Variants in PTPN21 observed in about 807,000 individuals in gnomAD.
The protein encoded by PTPN21 is protein tyrosine phosphatase non-receptor type 21.
In PTPN21, 77 loss-of-function variants were observed where a neutral mutation model predicts 131.8. The observed-to-expected ratio is 0.58, with a 90% CI of 0.49 to 0.71. The LOEUF is 0.71. Among genes scored for constraint, PTPN21 ranks in the 30% least tolerant of loss-of-function variants. The pLI is 0.00. For synonymous variants in PTPN21, 715 were observed against 621.3 expected (o/e 1.15, Z -2.24); for missense variants, 1,552 against 1,527.1 (o/e 1.02, Z -0.27).
chr14:88,504,871 GTCCCT>G (rs2078064252), intron 5 of PTPN21, among the ~76,000 whole-genome samples: 1 of 152,162 alleles, frequency 6.6e-6, no homozygotes, highest in Non-Finnish European at 1.5e-5. Flanking sequence ...CAGTTTCCAT[GTCCCT>G]TCCATCAGTA....
rs1566857845 is a variant in PTPN21, at chr14:88,550,382, G to C, written c.36C>G (p.Thr12=). 1.2e-6 allele frequency: 2 copies of C among 1,613,946 alleles called. No individual in the cohort carries two copies. The highest frequency in any genetic ancestry group is 2.7e-5 in the African/African-American group (2 of 74,926). Residue 12 remains threonine (T), a synonymous_variant, in exon 2 of 19, where the codon ACC becomes ACG. Transcript: ENST00000556564. ...PLPFGLKLKR[T]RRYTVSSKSC... is the part of the protein sequence containing the mutation. ...TCTTGCTGGACACCGTGTAGCGCCG[G>C]GTGCGTTTCAGTTTCAACCCAAATG... is the stretch of plus-strand genomic sequence containing the variant.
At chr14:88,523,459 A>G (rs2078428363) in intron 2 of PTPN21, among the ~76,000 whole-genome samples, 1 of 152,168 alleles carries the variant, frequency 6.6e-6, no homozygotes, top group Non-Finnish European at 1.5e-5. Context: ...TAACATGACA[A>G]TGAGCATTTA....
intron 6 of PTPN21, among the ~76,000 whole-genome samples, chr14:88,503,603 T>C (rs1248613572): frequency 6.6e-6 from 1 of 152,192 alleles, no homozygotes; most frequent in African/African-American, 2.4e-5. Context: ...TTCAACATTA[T>C]AAAATATATT....
intron 2 of PTPN21, among the ~76,000 whole-genome samples, chr14:88,529,819 C>G (rs550137896): frequency 1.3e-5 from 2 of 151,718 alleles, no homozygotes; most frequent in Non-Finnish European, 2.9e-5. Context: ...CCATCTCTAC[C>G]AAAAATATAA....
chr14:88,516,076 C>T lies in PTPN21; in HGVS notation c.350+1016G>A, dbSNP rs149297892. Among the ~76,000 whole-genome samples, 29 of 152,286 alleles carry T rather than the reference C, an allele frequency of 1.9e-4. 1 individual carries two copies. In the East Asian group the frequency reaches 4.6e-3, roughly 24 times the overall value. ...CCAGGTTCTTACTATCTGCAAGGCACTGTGTAAGATATCATTAAGTAAAGC... is the reference window on the plus strand; with the variant it reads ...CCAGGTTCTTACTATCTGCAAGGCATTGTGTAAGATATCATTAAGTAAAGC... On this transcript the variant is annotated intron_variant, in intron 3 of 18. Transcript: ENST00000556564.
rs138337050 is a variant in PTPN21, at chr14:88,473,703, C to T, written c.2611G>A (p.Gly871Arg). The T allele has an allele frequency of 2.2e-5, 35 of 1,612,916 alleles. No homozygotes were observed. The African/African-American group carries it at 4.0e-4, about 18-fold the overall frequency. The change falls in exon 14 of 19, where the codon GGA becomes AGA. Residue 871 changes from glycine (G) to arginine (R), a missense_variant. Physicochemically the swap from Gly to Arg is moderately radical, Grantham distance 125. Around this residue, in one of 4 missense-constraint regions of PTPN21, gnomAD observed 316 missense variants for 378.5 expected, o/e 0.83. Transcript: ENST00000556564. Reference protein sequence around the residue: ...SLSRVPLPDEGKEVATRATND... With the variant: ...SLSRVPLPDERKEVATRATND... ...GTTGCTCTGGTAGCCACTTCCTTTC[C>T]TTCATCAGGCAGAGGCACTCGAGAT...
intron 3 of PTPN21, chr14:88,514,946 C>T (rs755855906): frequency 6.6e-6 from 1 of 152,152 alleles, no homozygotes; most frequent in Non-Finnish European, 1.5e-5. Context: ...AGTTTCCTTG[C>T]ACCCCTCATA....
chr14:88,547,626 C>T (rs1484407979), intron 2 of PTPN21: 1 of 455,044 alleles, frequency 2.2e-6, no homozygotes, highest in Non-Finnish European at 4.4e-6. Flanking sequence ...GTACTCCAGC[C>T]TGGGTGATGG....
intron 14 of PTPN21, 140 bp from the exon 15 acceptor site, chr14:88,472,605 C>T: frequency 1.6e-6 from 1 of 629,318 alleles, no homozygotes; most frequent in East Asian, 2.8e-5. Context: ...CACGGTGTCT[C>T]ATGCCTGTAA....
intron 2 of PTPN21, among the ~76,000 whole-genome samples, chr14:88,527,373 A>G (rs866626709): frequency 5.9e-5 from 9 of 152,124 alleles, no homozygotes; most frequent in Non-Finnish European, 1.3e-4. Flanking sequence ...GTGGTATAGC[A>G]TTGTGGTTTG....
intron 8 of PTPN21, among the ~76,000 whole-genome samples, chr14:88,498,068 T>G (rs1482232083): frequency 6.9e-6 from 1 of 144,076 alleles, no homozygotes; most frequent in African/African-American, 2.6e-5. Context: ...ACCATTGCAC[T>G]CCAGCGTGGG....
rs2078848910 is a variant in PTPN21, at chr14:88,550,462, C to G, written c.-45G>C. 2 of 1,559,400 alleles carry G rather than the reference C, an allele frequency of 1.3e-6. No individual in the cohort carries two copies. Among genetic ancestry groups the G allele is most frequent in the Non-Finnish European group, 1.8e-6 (2 of 1,138,918 alleles). ...TGGAGGAGCAAAGAGGGAAAAGCTA[C>G]CCCCACCAACCCAGCGCTGGTGACG... On this transcript the variant is annotated 5_prime_UTR_variant, in exon 2 of 19. Transcript: ENST00000556564.
intron 15 of PTPN21, 78 bp from the exon 16 acceptor site, chr14:88,470,128 A>G: frequency 6.9e-7 from 1 of 1,449,624 alleles, no homozygotes; most frequent in Non-Finnish European, 9.4e-7. Flanking sequence ...TCATGGTAGT[A>G]CTAAAAAAGT....
At position 88,517,159 on chromosome 14, in the gene PTPN21, G is replaced by A. The variant is rs139123679; in HGVS notation, c.283C>T (p.Pro95Ser). 4 of 1,614,002 alleles carry A rather than the reference G, an allele frequency of 2.5e-6. No individual in the cohort carries two copies. Among genetic ancestry groups the A allele is most frequent in the Non-Finnish European group, 3.4e-6 (4 of 1,180,008 alleles). Residue 95 changes from proline to serine, a missense_variant, in exon 3 of 19, where the codon CCT becomes TCT. Pro to Ser is a moderately conservative substitution (Grantham distance 74). Transcript: ENST00000556564. ...KKQLDKYALE[P>S]TVYFGVVFYV... The stretch of plus-strand genomic sequence containing the variant: ...AACACCACTCCAAAATAGACGGTAG[G>A]TTCCAATGCATATTTATCCAGCTGC...
At position 88,468,172 on chromosome 14, in the gene PTPN21, G is replaced by T; in HGVS notation, c.3490C>A (p.Leu1164Ile). 1 of 1,613,798 alleles carries T rather than the reference G, an allele frequency of 6.2e-7. No individual in the cohort carries two copies. The highest frequency in any genetic ancestry group is 8.5e-7 in the Non-Finnish European group (1 of 1,179,722). Reference sequence around the variant, plus strand: ...CTGGAGCTTTTCAGGAACTGGATGAGGACTCTGTACACAAATGTGTACTGG... The same window carrying T: ...CTGGAGCTTTTCAGGAACTGGATGATGACTCTGTACACAAATGTGTACTGG... ...LCQYTFVYRV[L>I]IQFLKSSRLI The change falls in exon 19 of 19, where the codon CTC (leucine) becomes ATC (isoleucine). Residue 1164 changes from leucine to isoleucine, a missense_variant. Physicochemically the swap from Leu to Ile is conservative, Grantham distance 5. Transcript: ENST00000556564.
At chr14:88,526,062 C>G (rs2078469775) in intron 2 of PTPN21, among the ~76,000 whole-genome samples, 1 of 152,092 alleles carries the variant, frequency 6.6e-6, no homozygotes, top group Non-Finnish European at 1.5e-5. Context: ...GGGAGAATTG[C>G]TTGAGGCCAG....
At chr14:88,474,145 AAAAAAAAAAAC>A (rs1217026769) in intron 13 of PTPN21, among the ~76,000 whole-genome samples, 73 of 136,110 alleles carry the variant, frequency 5.4e-4, no homozygotes, top group African/African-American at 2.5e-3. Flanking sequence ...AAAAAAAAAA[AAAAAAAAAAAC>A]AAAAGCTTTA....
Position 88,508,150 on chromosome 14 carries a change from G to GGT in PTPN21, c.351-131_351-130insAC. On this transcript the variant is annotated intron_variant, in intron 3 of 18. Coordinates refer to ENST00000556564, the MANE Select transcript of PTPN21 (RefSeq NM_007039.4). ...ACCTTAATCCCACATGGTTGTGTGT[G>GGT]TTTTTTTTTTTTTTTTTAGATAGGG... is the stretch of plus-strand genomic sequence containing the variant. The GGT allele has an allele frequency of 5.3e-5, 21 of 398,266 alleles. No individual in the cohort carries two copies. The East Asian group carries it at 8.5e-4, about 16-fold the overall frequency. 24.7% of individuals were successfully genotyped at this position (398,266 alleles called of 1,614,324 possible).
Position 88,479,015 on chromosome 14 carries a change from G to A in PTPN21, c.2416C>T (p.Arg806Cys). The A allele has an allele frequency of 2.5e-6, 4 of 1,605,242 alleles. No homozygotes were observed. The highest frequency in any genetic ancestry group is 1.3e-5 in the African/African-American group (1 of 74,332). The change falls in exon 13 of 19, where the codon CGC (arginine) becomes TGC (cysteine). Residue 806 changes from arginine (R) to cysteine (C), a missense_variant. This residue lies in a region of PTPN21 where 1,016 missense variants were observed against 883.5 expected (regional missense o/e 1.15). Transcript: ENST00000556564. ...MSESDLTTSG[R>C]YRARRDSLKK... ...AGAGAGTCCCTCCGGGCTCGGTAGCGGCCTGACGTGGTGAGGTCGGACTCC... is the reference window on the plus strand; with the variant it reads ...AGAGAGTCCCTCCGGGCTCGGTAGCAGCCTGACGTGGTGAGGTCGGACTCC...
Sources: allele counts gnomAD v4.1 joint callset (sites outside exome capture counted in the v4.1 genomes callset), GRCh38; gene constraint gnomAD v4.1.1; regional missense constraint gnomAD v4.1.1; transcripts MANE v1.5; gene names NCBI Gene and HGNC (gene_info 2026-07-23, HGNC 2026-07-21).